The following NHSL3 variants were observed in gnomAD, a reference collection of about 807,000 sequenced individuals.
NHSL3 encodes NHS-like protein 3.
the NHSL3 span, chr1:32,769,957 G>C: frequency 6.2e-7 from 1 of 1,607,140 alleles, no homozygotes; most frequent in African/African-American, 1.3e-5. Context: ...CCCCACAGTG[G>C]ACGGCCGCCC....
the NHSL3 span, chr1:32,772,970 A>G: frequency 7.4e-7 from 1 of 1,346,534 alleles, no homozygotes; most frequent in East Asian, 2.3e-5. Flanking sequence ...ACGAGAGGAT[A>G]CAGCAGACAC....
the NHSL3 span, chr1:32,768,017 C>T: frequency 6.2e-7 from 1 of 1,612,756 alleles, no homozygotes; most frequent in African/African-American, 1.3e-5. Flanking sequence ...TGTCAGCTGT[C>T]AAGGTCAGGG....
chr1:32,742,288 G>T, the NHSL3 span: 1 of 1,113,014 alleles, frequency 9.0e-7, no homozygotes, highest in Non-Finnish European at 1.1e-6. Context: ...GGAGGGGGGT[G>T]ACCCCCAGGA....
chr1:32,773,120 CA>C, the NHSL3 span: 1 of 583,380 alleles, frequency 1.7e-6, no homozygotes, highest in Non-Finnish European at 3.1e-6. Context: ...GTTGCCGCTT[CA>C]GTCTTGGCCT....
the NHSL3 span, chr1:32,768,003 GC>G: frequency 6.2e-7 from 1 of 1,612,418 alleles, no homozygotes; most frequent in Admixed American, 1.7e-5. Flanking sequence ...CTCCAGTGCT[GC>G]ACTGTCAGCT....
chr1:32,754,308 C>A, the NHSL3 span: 1 of 576,392 alleles, frequency 1.7e-6, no homozygotes. Context: ...CCCGCGCAGA[C>A]CCCACCCCTC....
chr1:32,757,081 A>G, the NHSL3 span, among the ~76,000 whole-genome samples: 1 of 152,212 alleles, frequency 6.6e-6, no homozygotes, highest in African/African-American at 2.4e-5. Flanking sequence ...CTTTGGTTTT[A>G]CTTGTGCTGA....
At chr1:32,771,286 A>T in the NHSL3 span, 1 of 1,606,492 alleles carries the variant, frequency 6.2e-7, no homozygotes, top group Non-Finnish European at 8.5e-7. Context: ...CACTGACGCC[A>T]GTCCTCAGTC....
the NHSL3 span, chr1:32,768,707 C>A: frequency 6.2e-7 from 1 of 1,614,184 alleles, no homozygotes; most frequent in Non-Finnish European, 8.5e-7. Context: ...CAGACCACAT[C>A]CTACGTGGCT....
At chr1:32,760,254 C>T in the NHSL3 span, among the ~76,000 whole-genome samples, 1 of 152,176 alleles carries the variant, frequency 6.6e-6, no homozygotes, top group African/African-American at 2.4e-5. Context: ...TGCCCTCCCC[C>T]TTCATTCCTC....
At chr1:32,743,733 T>G in the NHSL3 span, among the ~76,000 whole-genome samples, 2 of 152,230 alleles carry the variant, frequency 1.3e-5, no homozygotes. Flanking sequence ...TGTAGGTCAC[T>G]GCTCCAACAG....
the NHSL3 span, chr1:32,769,723 C>T: frequency 1.5e-5 from 24 of 1,612,834 alleles, no homozygotes; most frequent in African/African-American, 6.7e-5. Context: ...AAAGTCAGGG[C>T]GGCGTCGGCG....
the NHSL3 span, chr1:32,772,192 A>C: frequency 6.2e-7 from 1 of 1,612,702 alleles, no homozygotes; most frequent in Non-Finnish European, 8.5e-7. Flanking sequence ...AGAACTCCGG[A>C]GCATCTCAGA....
chr1:32,771,230 C>A, the NHSL3 span: 1 of 1,612,950 alleles, frequency 6.2e-7, no homozygotes, highest in Admixed American at 1.7e-5. Context: ...AACCCAGCTG[C>A]CCCTGCTCTA....
At chr1:32,768,553 C>A in the NHSL3 span, 17 of 1,460,816 alleles carry the variant, frequency 1.2e-5, no homozygotes, top group South Asian at 1.7e-4. Context: ...CAAGATTTCG[C>A]TACTGCACTC....
the NHSL3 span, among the ~76,000 whole-genome samples, chr1:32,765,440 G>A: frequency 1.3e-5 from 2 of 152,244 alleles, no homozygotes; most frequent in Admixed American, 6.5e-5. Context: ...CAGGCAGGGT[G>A]AGTGATCTGC....
the NHSL3 span, among the ~76,000 whole-genome samples, chr1:32,759,655 G>A: frequency 6.6e-6 from 1 of 152,214 alleles, no homozygotes; most frequent in Non-Finnish European, 1.5e-5. Flanking sequence ...CCAAGGGAAG[G>A]AAGGAGAGGG....
At chr1:32,768,806 G>A in the NHSL3 span, 1 of 1,607,032 alleles carries the variant, frequency 6.2e-7, no homozygotes, top group Non-Finnish European at 8.5e-7. Context: ...GAGGGACAGT[G>A]GGCTCCATTG....
chr1:32,755,917 C>G, the NHSL3 span, among the ~76,000 whole-genome samples: 4 of 152,106 alleles, frequency 2.6e-5, no homozygotes, highest in South Asian at 4.1e-4. Context: ...GATGGTCGCT[C>G]GGATCTGATG....
Sources: gnomAD v4.1 joint callset for allele counts (sites outside exome capture counted in the v4.1 genomes callset) on GRCh38, gnomAD v4.1.1 for gene constraint, MANE v1.5 for transcripts, NCBI Gene and HGNC (gene_info 2026-07-23, HGNC 2026-07-21) for gene names.